The following EBF1 variants were observed in gnomAD, a reference collection of about 807,000 sequenced individuals.
EBF1 encodes transcription factor COE1.
EBF1 carries 10 observed loss-of-function variants against 68.4 expected under a neutral mutation model. That is an observed-to-expected ratio of 0.15 (90% CI 0.09 to 0.25). The LOEUF (loss-of-function observed/expected upper bound fraction) is 0.25. EBF1 is among the 10% of genes least tolerant of loss of function. The probability of loss-of-function intolerance (pLI) is 1.00; values close to 1 mark genes in which losing one functional copy is unlikely to be tolerated. For missense variants in EBF1, 509 were observed against 794.4 expected, an observed-to-expected ratio of 0.64 and a Z score of 4.32; for synonymous variants, 298 against 299.8, an observed-to-expected ratio of 0.99 and a Z score of 0.06.
intron 7 of EBF1, among the ~76,000 whole-genome samples, 187 bp from the exon 8 acceptor site, chr5:158,823,504 C>T (rs115626170): frequency 8.5e-4 from 129 of 152,276 alleles, no homozygotes; most frequent in African/African-American, 2.8e-3. Flanking sequence ...TGGCATGGAA[C>T]GCTTTTGATG....
At chr5:158,921,674 C>T (rs958648016) in intron 6 of EBF1, among the ~76,000 whole-genome samples, 5 of 152,266 alleles carry the variant, frequency 3.3e-5, no homozygotes, top group Middle Eastern at 3.4e-3. Flanking sequence ...CATTACCAGC[C>T]GGAGCTTGTA....
intron 7 of EBF1, among the ~76,000 whole-genome samples, chr5:158,832,789 A>G (rs1787875575): frequency 6.6e-6 from 1 of 152,158 alleles, no homozygotes; most frequent in Non-Finnish European, 1.5e-5. Context: ...ATTCTCCAAA[A>G]TTTCTAGAAT....
intron 6 of EBF1, among the ~76,000 whole-genome samples, chr5:158,900,533 G>A (rs536510809): frequency 2.6e-4 from 39 of 152,284 alleles, no homozygotes; most frequent in African/African-American, 8.4e-4. Flanking sequence ...GTACAACTCT[G>A]TTTTTTTCAA....
chr5:158,807,860 T>A (rs1182081771), intron 8 of EBF1, among the ~76,000 whole-genome samples: 1 of 152,172 alleles, frequency 6.6e-6, no homozygotes, highest in East Asian at 1.9e-4. Flanking sequence ...TAGTGACTTT[T>A]TAAGAAAACC....
chr5:158,726,337 A>T (rs946504188), intron 11 of EBF1, among the ~76,000 whole-genome samples: 18 of 152,168 alleles, frequency 1.2e-4, no homozygotes, highest in African/African-American at 4.3e-4. Context: ...ATGAATATAA[A>T]TGCATTAGTT....
chr5:159,082,343 T>A (rs1779890054), intron 5 of EBF1, among the ~76,000 whole-genome samples: 1 of 152,230 alleles, frequency 6.6e-6, no homozygotes, highest in African/African-American at 2.4e-5. Context: ...AAACAAGCTA[T>A]TTTAAAATCC....
intron 5 of EBF1, among the ~76,000 whole-genome samples, chr5:159,079,486 A>C (rs1165120028): frequency 6.6e-6 from 1 of 151,914 alleles, no homozygotes; most frequent in Non-Finnish European, 1.5e-5. Flanking sequence ...CATGTACTTG[A>C]ATCTCCTCTT....
chr5:158,930,992 C>T (rs891546554), intron 6 of EBF1, among the ~76,000 whole-genome samples: 2 of 152,194 alleles, frequency 1.3e-5, no homozygotes, highest in Non-Finnish European at 1.5e-5. Context: ...TAGACATCTA[C>T]ATTTTTAATC....
chr5:158,944,933 G>C (rs1018081531), intron 6 of EBF1, among the ~76,000 whole-genome samples: 1 of 152,062 alleles, frequency 6.6e-6, no homozygotes, highest in Non-Finnish European at 1.5e-5. Context: ...TTTTTCTCTT[G>C]TAAATTTGTT....
At chr5:158,721,618 C>A (rs1328491984) in intron 11 of EBF1, among the ~76,000 whole-genome samples, 1 of 152,032 alleles carries the variant, frequency 6.6e-6, no homozygotes, top group African/African-American at 2.4e-5. Flanking sequence ...TTATCTGGTG[C>A]CTCAATTACT....
chr5:158,797,163 G>A lies in EBF1; in HGVS notation c.779-688C>T, dbSNP rs539484202. Among the ~76,000 whole-genome samples, 185 of 152,214 alleles carry A rather than the reference G, an allele frequency of 1.2e-3. 2 individuals carry two copies. Among genetic ancestry groups the A allele is most frequent in the African/African-American group, 4.4e-3 (182 of 41,532 alleles). ...TGTCTTTCCCAGGCATAAAACCCTA[G>A]AATTGACTTTTTCAAAATTTCATAT... On this transcript the variant is annotated intron_variant, in intron 8 of 15. Transcript: ENST00000313708.
chr5:158,977,947 C>T (rs781739210), intron 6 of EBF1, among the ~76,000 whole-genome samples: 1 of 152,156 alleles, frequency 6.6e-6, no homozygotes, highest in Non-Finnish European at 1.5e-5. Flanking sequence ...TAAGTGAAAA[C>T]GCCAACCCTG....
chr5:158,945,139 C>T (rs1814369805), intron 6 of EBF1, among the ~76,000 whole-genome samples: 1 of 152,196 alleles, frequency 6.6e-6, no homozygotes, highest in Admixed American at 6.5e-5. Flanking sequence ...GTCATGAAGT[C>T]TTTGCCCATG....
intron 6 of EBF1, among the ~76,000 whole-genome samples, chr5:159,033,229 C>T (rs1769297776): frequency 1.3e-5 from 2 of 152,238 alleles, no homozygotes; most frequent in Non-Finnish European, 2.9e-5. Flanking sequence ...CTTCCTTCCA[C>T]TCCGCAGCAC....
In EBF1 at chr5:158,796,007, T is replaced by C. The variant is rs191884166; in HGVS notation, c.909+338A>G. Among the ~76,000 whole-genome samples the C allele has an allele frequency of 1.6e-4, 24 of 152,292 alleles. 1 individual carries two copies. In the East Asian group the frequency reaches 4.0e-3, roughly 26 times the overall value. On this transcript the variant is annotated intron_variant, in intron 9 of 15. Coordinates refer to ENST00000313708, the MANE Select transcript of EBF1 (RefSeq NM_024007.5). ...CACAGATTACACCCTTGCTAAAACT[T>C]GAATGGGCTTTTTCTATACATCTTG...
chr5:158,831,435 A>G (rs1288574926), intron 7 of EBF1, among the ~76,000 whole-genome samples: 1 of 152,158 alleles, frequency 6.6e-6, no homozygotes, highest in African/African-American at 2.4e-5. Flanking sequence ...GCACTGAAGA[A>G]GCAACAATGA....
chr5:158,775,290 T>G (rs1774885086), intron 10 of EBF1, among the ~76,000 whole-genome samples: 2 of 152,016 alleles, frequency 1.3e-5, no homozygotes, highest in Admixed American at 1.3e-4. Context: ...AGTAATTTAA[T>G]GAGGGTGATT....
At chr5:158,738,204 G>A (rs975172445) in intron 10 of EBF1, among the ~76,000 whole-genome samples, 12 of 152,104 alleles carry the variant, frequency 7.9e-5, no homozygotes, top group African/African-American at 2.4e-4. Context: ...GTAGCTTACC[G>A]TATTATACAG....
At chr5:158,727,732 G>A (rs145763880) in intron 11 of EBF1, among the ~76,000 whole-genome samples, 43 of 152,286 alleles carry the variant, frequency 2.8e-4, no homozygotes, top group Admixed American at 5.2e-4. Context: ...GCAGGATTCC[G>A]CTTGCTCCCG....
Sources: allele counts gnomAD v4.1 joint callset (sites outside exome capture counted in the v4.1 genomes callset), GRCh38; gene constraint gnomAD v4.1.1; transcripts MANE v1.5; gene names NCBI Gene and HGNC (gene_info 2026-07-23, HGNC 2026-07-21).